Variants in OSCP1 observed in about 807,000 individuals in gnomAD.
The protein encoded by OSCP1 is organic solute carrier partner 1.
A neutral mutation model predicts 45.1 loss-of-function variants in OSCP1; 35 were observed. The observed-to-expected ratio is 0.78, with a 90% CI of 0.59 to 1.03. OSCP1 has a LOEUF of 1.03. Among genes scored for constraint, OSCP1 ranks in the 50% least tolerant of loss-of-function variants. The probability of loss-of-function intolerance (pLI) is 0.00; values close to 1 mark genes in which losing one functional copy is unlikely to be tolerated. For missense variants in OSCP1, 400 were observed against 470.7 expected, an observed-to-expected ratio of 0.85 and a Z score of 1.39; for synonymous variants, 179 against 180.1, an observed-to-expected ratio of 0.99 and a Z score of 0.05.
chr1:36,444,563 G>A (rs187358490), intron 1 of OSCP1, among the ~76,000 whole-genome samples: 6 of 152,086 alleles, frequency 3.9e-5, no homozygotes, highest in African/African-American at 1.4e-4. Context: ...AAAGGAAAAT[G>A]TCAGCATTTG....
intron 1 of OSCP1, among the ~76,000 whole-genome samples, chr1:36,449,827 C>A (rs186113818): frequency 8.8e-5 from 8 of 90,578 alleles, no homozygotes; most frequent in Non-Finnish European, 1.6e-4. Flanking sequence ...CAGAGCGAGA[C>A]CCTGTCTCAA....
chr1:36,448,794 C>A (rs1459598348), intron 1 of OSCP1, among the ~76,000 whole-genome samples: 2 of 152,128 alleles, frequency 1.3e-5, no homozygotes, highest in Non-Finnish European at 2.9e-5. Flanking sequence ...AGGAGGCAGG[C>A]AGTGGTGGAA....
intron 4 of OSCP1, among the ~76,000 whole-genome samples, chr1:36,430,717 C>A: frequency 6.6e-6 from 1 of 152,142 alleles, no homozygotes; most frequent in East Asian, 1.9e-4. Flanking sequence ...TGCAGTGGTG[C>A]GATCCCGGCT....
intron 2 of OSCP1, among the ~76,000 whole-genome samples, chr1:36,433,574 C>A (rs77719336): frequency 0.1 from 15,550 of 152,162 alleles, 948 homozygotes; most frequent in East Asian, 0.29. Flanking sequence ...GATGGGCTCA[C>A]TTGTACCCCA....
intron 1 of OSCP1, 123 bp downstream of exon 1, chr1:36,450,135 A>C: frequency 1.3e-6 from 1 of 760,606 alleles, no homozygotes. Context: ...GCTTGTAAGA[A>C]AGGTCCCTGG....
intron 6 of OSCP1, 102 bp from the exon 7 acceptor site, chr1:36,422,321 T>C (rs1647690795): frequency 9.2e-7 from 1 of 1,088,012 alleles, no homozygotes; most frequent in African/African-American, 1.5e-5. Flanking sequence ...AGACATTAAA[T>C]AGCATCCAGA....
chr1:36,447,459 G>A lies in OSCP1; in HGVS notation c.112+2799C>T, dbSNP rs1167464819. Among the ~76,000 whole-genome samples the A allele has an allele frequency of 2.0e-5, 3 of 152,202 alleles. No homozygotes were observed. Among genetic ancestry groups the A allele is most frequent in the African/African-American group, 4.8e-5 (2 of 41,432 alleles). On this transcript the variant is annotated intron_variant, in intron 1 of 9. Coordinates refer to ENST00000235532, the MANE Select transcript of OSCP1 (RefSeq NM_145047.5). This position sits in a 1 kb window ranked among gnomAD's most constrained non-coding sequence, Gnocchi z 4.1. ...CAGAGTATAGTGGTTATAGTAAGGG[G>A]ACTAAGTGGTTATAGTAAGGGGACA...
chr1:36,438,663 T>C (rs998231208), intron 2 of OSCP1, 93 bp downstream of exon 2: 13 of 1,436,852 alleles, frequency 9.0e-6, no homozygotes, highest in African/African-American at 7.1e-5. Context: ...GCAAGGACCA[T>C]TGCATACATC....
chr1:36,418,767 A>C lies in OSCP1; in HGVS notation c.1023+224T>G, dbSNP rs575625297. Among the ~76,000 whole-genome samples the C allele has an allele frequency of 8.6e-3, 1,309 of 151,948 alleles. 15 individuals are homozygous for C. The highest frequency in any genetic ancestry group is 0.014 in the Middle Eastern group (4 of 294). ...TCCCACCTCTACTAAAAATACAAAA[A>C]AAAAAAAAAAATTAGCTGGGCATAT... On this transcript the variant is annotated intron_variant, in intron 9 of 9. Transcript: ENST00000235532.
chr1:36,421,334 G>A (rs1401148310), intron 7 of OSCP1, among the ~76,000 whole-genome samples: 2 of 151,984 alleles, frequency 1.3e-5, no homozygotes, highest in Non-Finnish European at 1.5e-5. Context: ...TCCTCCTCCC[G>A]GGAACACTCT....
intron 2 of OSCP1, among the ~76,000 whole-genome samples, chr1:36,437,812 C>T (rs1244199841): frequency 6.6e-6 from 1 of 152,102 alleles, no homozygotes; most frequent in Non-Finnish European, 1.5e-5. Context: ...CCACCATGCC[C>T]ACTCAGGGTT....
At chr1:36,420,705 A>G in intron 7 of OSCP1, 90 bp from the exon 8 acceptor site, 2 of 1,470,102 alleles carry the variant, frequency 1.4e-6, no homozygotes, top group Non-Finnish European at 1.8e-6. Context: ...ATTATAAAAT[A>G]AGGTAGAACA....
Position 36,418,227 on chromosome 1 carries a change from C to G in OSCP1, c.1052G>C (p.Arg351Pro). Residue 351 changes from arginine (R) to proline (P), a missense_variant, in exon 10 of 10, where the codon CGA becomes CCA. Transcript: ENST00000235532. ...QDQQRSEELA[R>P]IMGEFEITEQ... The stretch of plus-strand genomic sequence containing the variant: ...CGTGATCTCAAACTCCCCCATGATT[C>G]GAGCCAGCTCCTCGCTCCGTTGCTG... 1 of 1,614,170 alleles carries G rather than the reference C, an allele frequency of 6.2e-7. No homozygotes were observed.
intron 5 of OSCP1, 127 bp downstream of exon 5, chr1:36,423,236 G>T: frequency 1.2e-6 from 1 of 854,372 alleles, no homozygotes; most frequent in Admixed American, 2.0e-5. Context: ...TTCAATAGCT[G>T]TTTTACTGAA....
intron 7 of OSCP1, among the ~76,000 whole-genome samples, chr1:36,421,076 C>A (rs1348331394): frequency 1.3e-5 from 2 of 152,250 alleles, no homozygotes; most frequent in South Asian, 2.1e-4. Flanking sequence ...CTGTACCCCT[C>A]TTCCTTGTAG....
intron 8 of OSCP1, chr1:36,420,193 G>A: frequency 8.3e-6 from 2 of 240,006 alleles, no homozygotes; most frequent in Non-Finnish European, 1.6e-5. Flanking sequence ...AGCCAGGATG[G>A]CCTCGACCTC....
In OSCP1 at chr1:36,431,878, T is replaced by A; in HGVS notation, c.440A>T (p.Tyr147Phe). Residue 147 changes from tyrosine to phenylalanine, a missense_variant, in exon 4 of 10, where the codon TAT becomes TTT. By Grantham distance (22) the Tyr-to-Phe change is conservative. Coordinates refer to ENST00000235532, the MANE Select transcript of OSCP1 (RefSeq NM_145047.5). The part of the protein sequence containing the change: ...DETLRQLTEI[Y>F]GGLSAGEFQL... ...GAACTCCCCTGCAGAGAGACCACCA[T>A]ATATCTGCCAAAGGCAAGCAGAAAG... 6.2e-7 allele frequency: 1 copy of A among 1,612,816 alleles called. No homozygotes were observed.
In OSCP1 at chr1:36,424,462, C is replaced by A. The variant is rs1267434310; in HGVS notation, c.517-996G>T. Among the ~76,000 whole-genome samples, 7 of 152,170 alleles carry A rather than the reference C, an allele frequency of 4.6e-5. No homozygotes were observed. The East Asian group carries it at 1.3e-3, about 29-fold the overall frequency. On this transcript the variant is annotated intron_variant, in intron 4 of 9. Transcript: ENST00000235532. ...AGCTGCAGGCCTTGAGCTGTAAGAACCTCATATGGCCACTTTCTACATGAG... is the reference window on the plus strand; with the variant it reads ...AGCTGCAGGCCTTGAGCTGTAAGAAACTCATATGGCCACTTTCTACATGAG...
chr1:36,420,621 G>A lies in OSCP1; in HGVS notation c.820-6C>T. On this transcript the variant is annotated splice_region_variant and splice_polypyrimidine_tract_variant and intron_variant, in intron 7 of 9. Transcript: ENST00000235532. ...GGGTTTGGAGCAATGCTTTCCTGCA[G>A]AAACAGTTGCATGATTTTTAGCCAC... The A allele has an allele frequency of 6.2e-7, 1 of 1,612,644 alleles. No individual in the cohort carries two copies. Among genetic ancestry groups the A allele is most frequent in the Non-Finnish European group, 8.5e-7 (1 of 1,179,532 alleles).
Sources: gnomAD v4.1 joint callset for allele counts (sites outside exome capture counted in the v4.1 genomes callset) on GRCh38, gnomAD v4.1.1 for gene constraint, Gnocchi (gnomAD v3.1) non-coding constraint, MANE v1.5 for transcripts, NCBI Gene and HGNC (gene_info 2026-07-23, HGNC 2026-07-21) for gene names.